GPR180: variants seen among roughly 807,000 people sequenced by gnomAD.
GPR180 encodes integral membrane protein GPR180.
GPR180 carries 53 observed loss-of-function variants against 52.6 expected under a neutral mutation model. The ratio of observed to expected loss-of-function variants is 1.01; its 90% CI spans 0.81 to 1.27. The LOEUF is 1.27. GPR180 is among the 50% of genes most tolerant of loss of function. The pLI, the probability that GPR180 is intolerant of heterozygous loss-of-function variation, is 0.00. For missense variants in GPR180, 533 were observed against 527.0 expected (o/e 1.01, Z -0.11); for synonymous variants, 200 against 193.1 (o/e 1.04, Z -0.30).
Position 94,633,043 on chromosome 13 carries a change from T to G in GPR180, c.*5872T>G, listed in dbSNP as rs1011207421. 6.6e-6 allele frequency: 1 copy of G among 152,272 alleles called. No individual in the cohort carries two copies. Among genetic ancestry groups the G allele is most frequent in the African/African-American group, 2.4e-5 (1 of 41,458 alleles). 9.4% of individuals were successfully genotyped at this position (152,272 alleles called of 1,614,324 possible). On this transcript the variant is annotated 3_prime_UTR_variant, in exon 9 of 9. Coordinates refer to ENST00000376958, the MANE Select transcript of GPR180 (RefSeq NM_180989.6). Reference sequence around the variant, plus strand: ...CACCTTGCTCTATGTATGTCTTCTTTTGGCTGTTCTGATTTGTATCCTTTT... The same window carrying G: ...CACCTTGCTCTATGTATGTCTTCTTGTGGCTGTTCTGATTTGTATCCTTTT...
intron 7 of GPR180, among the ~76,000 whole-genome samples, chr13:94,624,799 C>G (rs1204081784): frequency 6.6e-6 from 1 of 152,184 alleles, no homozygotes; most frequent in Non-Finnish European, 1.5e-5. Flanking sequence ...GCCTTGGCCT[C>G]CCAAAGTGCT....
Position 94,620,709 on chromosome 13 carries a change from G to A in GPR180, c.737-369G>A, listed in dbSNP as rs12429570. Among the ~76,000 whole-genome samples the A allele has an allele frequency of 5.9e-5, 9 of 152,252 alleles. No homozygotes were observed. In the East Asian group the frequency reaches 1.7e-3, roughly 29 times the overall value. On this transcript the variant is annotated intron_variant, in intron 5 of 8. Coordinates refer to ENST00000376958, the MANE Select transcript of GPR180 (RefSeq NM_180989.6). ...CTCCATATTGCAGAAATCGTATTTA[G>A]AATTTGCTTTAATAAGCAGTGAGTT... is the stretch of plus-strand genomic sequence containing the variant.
chr13:94,622,759 G>A (rs1417023494), intron 6 of GPR180, among the ~76,000 whole-genome samples: 2 of 152,182 alleles, frequency 1.3e-5, no homozygotes, highest in Admixed American at 1.3e-4. Flanking sequence ...ATTTTTAGTA[G>A]AGGTGGGGTT....
intron 8 of GPR180, 76 bp downstream of exon 8, chr13:94,626,119 G>T: frequency 2.2e-6 from 2 of 904,916 alleles, no homozygotes; most frequent in Non-Finnish European, 3.4e-6. Flanking sequence ...TAAATAGGAG[G>T]GACCTATTTA....
chr13:94,625,919 A>C, intron 7 of GPR180, 47 bp from the exon 8 acceptor site: 1 of 1,477,584 alleles, frequency 6.8e-7, no homozygotes, highest in East Asian at 2.3e-5. Context: ...TACATGCTGA[A>C]AAAAAGCTAC....
chr13:94,624,656 C>G (rs779812324), intron 7 of GPR180, among the ~76,000 whole-genome samples: 2 of 152,080 alleles, frequency 1.3e-5, no homozygotes, highest in Non-Finnish European at 2.9e-5. Context: ...CTTCCGGGTT[C>G]ATGCCATTCT....
Position 94,601,884 on chromosome 13 carries a change from C to A in GPR180, c.-44C>A, listed in dbSNP as rs1055277814. 3.0e-6 allele frequency: 4 copies of A among 1,340,570 alleles called. No individual in the cohort carries two copies. Among genetic ancestry groups the A allele is most frequent in the African/African-American group, 1.5e-5 (1 of 65,232 alleles). 83.0% of individuals were successfully genotyped at this position (1,340,570 alleles called of 1,614,324 possible). On this transcript the variant is annotated 5_prime_UTR_variant, in exon 1 of 9. Coordinates refer to ENST00000376958, the MANE Select transcript of GPR180 (RefSeq NM_180989.6). ...CTGCCGACGTGGGGCGGGCAGCCGC[C>A]GGCGGCTGGGAGCCGAGGCGTCGGT...
At chr13:94,618,935 A>G (rs1291621102) in intron 3 of GPR180, among the ~76,000 whole-genome samples, 1 of 152,160 alleles carries the variant, frequency 6.6e-6, no homozygotes, top group Non-Finnish European at 1.5e-5. Context: ...GACCTTAACT[A>G]GTTTGGTTTA....
chr13:94,607,528 G>A (rs767901018), intron 2 of GPR180, among the ~76,000 whole-genome samples: 2 of 152,144 alleles, frequency 1.3e-5, no homozygotes, highest in African/African-American at 2.4e-5. Flanking sequence ...TGGCTCCTCC[G>A]TCGATTAAGT....
At chr13:94,612,146 A>G in intron 2 of GPR180, 44 bp from the exon 3 acceptor site, 8 of 1,471,266 alleles carry the variant, frequency 5.4e-6, no homozygotes, top group Non-Finnish European at 6.6e-6. Context: ...AGTGAAACAC[A>G]TTTGAGAATT....
intron 2 of GPR180, 29 bp from the exon 3 acceptor site, chr13:94,612,161 T>A: frequency 6.4e-7 from 1 of 1,566,974 alleles, no homozygotes; most frequent in Non-Finnish European, 8.8e-7. Flanking sequence ...AGAATTTTGT[T>A]ACAAAAGGTG....
chr13:94,631,921 AC>A lies in GPR180; in HGVS notation c.*4752del, dbSNP rs1890004311. ...TGTGTCTGGTTTCTGGCCTGCCACA[AC>A]CAGAAGCACCAATTTAAAAGAGAAG... On this transcript the variant is annotated 3_prime_UTR_variant, in exon 9 of 9. Transcript: ENST00000376958. 1 of 152,130 alleles carries A rather than the reference AC, an allele frequency of 6.6e-6. No homozygotes were observed. The highest frequency in any genetic ancestry group is 2.4e-5 in the African/African-American group (1 of 41,422). The allele number at this position is 152,130 out of a possible 1,614,324, so 9.4% of individuals were successfully genotyped here. A position where few individuals can be genotyped will look rare whatever the true frequency, so the allele number is the denominator to read the frequency against.
chr13:94,624,755 G>A (rs1188281324), intron 7 of GPR180, among the ~76,000 whole-genome samples: 1 of 152,192 alleles, frequency 6.6e-6, no homozygotes, highest in Non-Finnish European at 1.5e-5. Context: ...TGTTAGCCAG[G>A]ATGCTCTCGA....
rs188105654 is a variant in GPR180 at position 94,630,967 on chromosome 13, A to C, written c.*3796A>C. On this transcript the variant is annotated 3_prime_UTR_variant, in exon 9 of 9. Transcript: ENST00000376958. ...GCCAGATCTGCATTCTTTTTGTAAG[A>C]GGAAGGGCCAGACAAGGCACAAGGC... The C allele has an allele frequency of 6.6e-6, 1 of 152,426 alleles. No individual in the cohort carries two copies. The allele number at this position is 152,426 out of a possible 1,614,324, so 9.4% of individuals were successfully genotyped here. A position where few individuals can be genotyped will look rare whatever the true frequency, so the allele number is the denominator to read the frequency against.
At chr13:94,620,340 TGC>T (rs1889835909) in intron 5 of GPR180, among the ~76,000 whole-genome samples, 1 of 152,232 alleles carries the variant, frequency 6.6e-6, no homozygotes, top group East Asian at 1.9e-4. Context: ...AATCATTAAA[TGC>T]TACCTCATAA....
At chr13:94,606,306 C>T (rs553356397) in intron 2 of GPR180, among the ~76,000 whole-genome samples, 11 of 152,160 alleles carry the variant, frequency 7.2e-5, no homozygotes, top group Non-Finnish European at 1.2e-4. Flanking sequence ...AAAAAAGTCA[C>T]TTTGAGATGT....
In GPR180 at chr13:94,627,067, A is replaced by G. The variant is rs747141632; in HGVS notation, c.1219A>G (p.Arg407Gly). 1.9e-6 allele frequency: 3 copies of G among 1,612,486 alleles called. No homozygotes were observed. The highest frequency in any genetic ancestry group is 1.1e-5 in the South Asian group (1 of 91,006). The change falls in exon 9 of 9, where the codon AGA becomes GGA. Residue 407 changes from arginine to glycine, a missense_variant. By Grantham distance (125) the Arg-to-Gly change is moderately radical. Transcript: ENST00000376958. Reference sequence around the variant, plus strand: ...GTCTGTTTCCATGGTTATTCTCTACAGACTCTTTCTGTCTCACAGTCTATA... The same window carrying G: ...GTCTGTTTCCATGGTTATTCTCTACGGACTCTTTCTGTCTCACAGTCTATA... ...CQSVSMVILY[R>G]LFLSHSLYWE... is the part of the protein sequence containing the mutation.
At chr13:94,608,991 G>A (rs1889668811) in intron 2 of GPR180, among the ~76,000 whole-genome samples, 1 of 152,092 alleles carries the variant, frequency 6.6e-6, no homozygotes, top group African/African-American at 2.4e-5. Context: ...AAGCAAACAA[G>A]ACATTTGAAA....
rs747056816 is a variant in GPR180 at position 94,619,191 on chromosome 13, G to A, written c.547G>A (p.Val183Met). 68 of 1,613,926 alleles carry A rather than the reference G, an allele frequency of 4.2e-5. No homozygotes were observed. The highest frequency in any genetic ancestry group is 5.7e-5 in the Non-Finnish European group (67 of 1,179,998). The change falls in exon 4 of 9, where the codon GTG (valine) becomes ATG (methionine). Residue 183 changes from valine (V) to methionine (M), a missense_variant. Physicochemically the swap from Val to Met is conservative, Grantham distance 21. Coordinates refer to ENST00000376958, the MANE Select transcript of GPR180 (RefSeq NM_180989.6). ...TTTCCTCCTAGTCCTAGTGTACTTTGTGATTGCTTGCATTTATGCTCAATC... is the reference window on the plus strand; with the variant it reads ...TTTCCTCCTAGTCCTAGTGTACTTTATGATTGCTTGCATTTATGCTCAATC... Reference protein sequence around the residue: ...FFFLLVLVYFVIACIYAQSLW... With the variant: ...FFFLLVLVYFMIACIYAQSLW...
Sources: gnomAD v4.1 joint callset for allele counts (sites outside exome capture counted in the v4.1 genomes callset) on GRCh38, gnomAD v4.1.1 for gene constraint, MANE v1.5 for transcripts, NCBI Gene and HGNC (gene_info 2026-07-23, HGNC 2026-07-21) for gene names.